C8orf34: variants seen among roughly 807,000 people sequenced by gnomAD.
C8orf34 encodes the protein uncharacterized protein C8orf34.
Under a neutral mutation model 68.3 loss-of-function variants are expected in C8orf34, and 65 were observed. The ratio of observed to expected loss-of-function variants is 0.95; its 90% CI spans 0.78 to 1.17. The LOEUF (loss-of-function observed/expected upper bound fraction) is 1.17, where lower values mean the gene tolerates loss of function less well. Among genes scored for constraint, C8orf34 ranks in the 50% most tolerant of loss-of-function variants. The probability of loss-of-function intolerance (pLI) is 0.00; values close to 1 mark genes in which losing one functional copy is unlikely to be tolerated. For synonymous variants in C8orf34, 244 were observed against 241.2 expected (o/e 1.01, Z -0.11); for missense variants, 664 against 655.4 (o/e 1.01, Z -0.14).
chr8:68,721,715 C>T (rs1821683223), intron 10 of C8orf34, among the ~76,000 whole-genome samples: 1 of 151,924 alleles, frequency 6.6e-6, no homozygotes, highest in Non-Finnish European at 1.5e-5. Flanking sequence ...GGTAGTAAAA[C>T]AAATATTTTG....
chr8:68,566,410 G>T lies in C8orf34; in HGVS notation c.1105+33261G>T, dbSNP rs534587887. On this transcript the variant is annotated intron_variant, in intron 7 of 13. Coordinates refer to ENST00000518698, the MANE Select transcript of C8orf34 (RefSeq NM_052958.4). ...TCCCACTTATAAGAGAGAACATGTG[G>T]TATTTGGTTTTCTGTTGTTCAGTGT... Among the ~76,000 whole-genome samples the T allele has an allele frequency of 2.6e-5, 4 of 152,278 alleles. No homozygotes were observed. In the South Asian group the frequency reaches 8.3e-4, roughly 32 times the overall value.
intron 6 of C8orf34, 90 bp downstream of exon 6, chr8:68,522,061 C>T (rs372267890): frequency 2.8e-5 from 33 of 1,195,508 alleles, no homozygotes; most frequent in Middle Eastern, 2.0e-4. Context: ...TTATGAAATC[C>T]GTTTTAGTAA....
chr8:68,499,894 A>G lies in C8orf34; in HGVS notation c.765+11843A>G, dbSNP rs148912860. Among the ~76,000 whole-genome samples, 327 of 152,184 alleles carry G rather than the reference A, an allele frequency of 2.1e-3. 8 individuals carry two copies. Among genetic ancestry groups the G allele is most frequent in the Admixed American group, 0.018 (281 of 15,280 alleles). Reference sequence around the variant, plus strand: ...GTGGGGCCTGGTGGGAGGTGATTGGATTGGGGGCGGATCCCTCATGAATGG... The same window carrying G: ...GTGGGGCCTGGTGGGAGGTGATTGGGTTGGGGGCGGATCCCTCATGAATGG... On this transcript the variant is annotated intron_variant, in intron 5 of 13. Transcript: ENST00000518698.
chr8:68,783,523 CAAAAAAAA>C (rs775189886), intron 11 of C8orf34, among the ~76,000 whole-genome samples: 1 of 53,760 alleles, frequency 1.9e-5, no homozygotes, highest in African/African-American at 6.9e-5. Flanking sequence ...GACTTCATCT[CAAAAAAAA>C]AAAAAAAAAA....
chr8:68,750,934 G>A (rs969917376), intron 10 of C8orf34, among the ~76,000 whole-genome samples: 1 of 152,106 alleles, frequency 6.6e-6, no homozygotes, highest in African/African-American at 2.4e-5. Context: ...TAGTCACAGA[G>A]CTCATAAATG....
rs1819717452 is a variant in C8orf34, at chr8:68,662,703, G to A, written c.1241+22192G>A. 2.0e-5 allele frequency among the ~76,000 whole-genome samples: 3 copies of A among 152,252 alleles called. No homozygotes were observed. The South Asian group carries it at 6.2e-4, about 32-fold the overall frequency. ...AGGTATGTCTTTATTAGCAGCATGA[G>A]AACAGATGATACAGGAGGAAATCTG... On this transcript the variant is annotated intron_variant, in intron 8 of 13. Coordinates refer to ENST00000518698, the MANE Select transcript of C8orf34 (RefSeq NM_052958.4).
intron 10 of C8orf34, among the ~76,000 whole-genome samples, chr8:68,743,561 C>T (rs1197484409): frequency 1.3e-5 from 2 of 152,184 alleles, no homozygotes; most frequent in Admixed American, 6.5e-5. Flanking sequence ...CGAGGCATTG[C>T]CTCACTCGGG....
chr8:68,375,435 T>TACACCCCATTGAGAAACCA, intron 1 of C8orf34, among the ~76,000 whole-genome samples: 2 of 152,302 alleles, frequency 1.3e-5, no homozygotes, highest in South Asian at 4.1e-4. Flanking sequence ...TAACAAATAG[T>TACACCCCATTGAGAAACCA]CATGTACACC....
At chr8:68,528,211 G>A (rs747379546) in intron 6 of C8orf34, among the ~76,000 whole-genome samples, 8 of 151,998 alleles carry the variant, frequency 5.3e-5, no homozygotes, top group African/African-American at 1.2e-4. Context: ...CCTACTCTTC[G>A]CCATGTATCT....
chr8:68,569,762 T>C (rs1047434975), intron 7 of C8orf34, among the ~76,000 whole-genome samples: 1 of 152,258 alleles, frequency 6.6e-6, no homozygotes, highest in Admixed American at 6.5e-5. Context: ...CAGGACAATG[T>C]CACTGTCATT....
chr8:68,568,372 G>T (rs1816660355), intron 7 of C8orf34, among the ~76,000 whole-genome samples: 3 of 152,028 alleles, frequency 2.0e-5, no homozygotes, highest in African/African-American at 7.2e-5. Flanking sequence ...ATCATTTCCA[G>T]CTTTTGCAAG....
At chr8:68,676,207 AC>A (rs1387453820) in intron 8 of C8orf34, among the ~76,000 whole-genome samples, 1 of 151,868 alleles carries the variant, frequency 6.6e-6, no homozygotes, top group Non-Finnish European at 1.5e-5. Flanking sequence ...GGAGGCATAC[AC>A]CTGTAGTCCC....
intron 8 of C8orf34, among the ~76,000 whole-genome samples, chr8:68,659,083 T>C (rs138180708): frequency 2.4e-3 from 359 of 152,218 alleles, no homozygotes; most frequent in African/African-American, 8.2e-3. Flanking sequence ...CCCTTCTGTC[T>C]CCTGGCTTTT....
intron 10 of C8orf34, among the ~76,000 whole-genome samples, chr8:68,760,218 C>A (rs1822984331): frequency 6.6e-6 from 1 of 152,034 alleles, no homozygotes; most frequent in South Asian, 2.1e-4. Context: ...TGATGGGGGG[C>A]CGTGATGTTG....
intron 12 of C8orf34, among the ~76,000 whole-genome samples, chr8:68,800,751 C>A (rs1416858789): frequency 3.3e-5 from 5 of 152,048 alleles, no homozygotes. Flanking sequence ...AACTGAAGCC[C>A]AAAAGAATGA....
At chr8:68,413,257 G>A (rs1167761105) in intron 1 of C8orf34, among the ~76,000 whole-genome samples, 2 of 152,098 alleles carry the variant, frequency 1.3e-5, no homozygotes, top group Non-Finnish European at 2.9e-5. Context: ...TTCTGCTGTT[G>A]CCATTGTTTC....
At chr8:68,677,662 A>G (rs1332457351) in intron 8 of C8orf34, among the ~76,000 whole-genome samples, 3 of 152,048 alleles carry the variant, frequency 2.0e-5, no homozygotes, top group African/African-American at 7.2e-5. Context: ...GGCCCTAACA[A>G]TGCATCTTAA....
chr8:68,779,112 G>A (rs1823601370), intron 11 of C8orf34, among the ~76,000 whole-genome samples: 1 of 151,812 alleles, frequency 6.6e-6, no homozygotes, highest in South Asian at 2.1e-4. Flanking sequence ...AGGAGTTTGA[G>A]TCTGCATTGA....
intron 1 of C8orf34, chr8:68,439,275 A>G (rs1810795024): frequency 2.8e-6 from 1 of 356,486 alleles, no homozygotes; most frequent in Non-Finnish European, 5.0e-6. Flanking sequence ...TGGTTTTGCC[A>G]CATATTAGCT....
Sources: allele counts gnomAD v4.1 joint callset (sites outside exome capture counted in the v4.1 genomes callset), GRCh38; gene constraint gnomAD v4.1.1; transcripts MANE v1.5; gene names NCBI Gene and HGNC (gene_info 2026-07-23, HGNC 2026-07-21).